PIGP: variants seen among roughly 807,000 people sequenced by gnomAD.
The protein encoded by PIGP is phosphatidylinositol N-acetylglucosaminyltransferase subunit P.
A neutral mutation model predicts 16.9 loss-of-function variants in PIGP; 12 were observed. The ratio of observed to expected loss-of-function variants is 0.71; its 90% CI spans 0.46 to 1.15. The LOEUF is 1.15. PIGP is among the 50% of genes most tolerant of loss of function. The pLI, the probability that PIGP is intolerant of heterozygous loss-of-function variation, is 0.00. For missense variants in PIGP, 159 were observed against 153.5 expected (o/e 1.04, Z -0.19); for synonymous variants, 57 against 54.7 (o/e 1.04, Z -0.18).
chr21:37,069,670 A>G (rs2069967498), intron 2 of PIGP, 46 bp from the exon 3 acceptor site: 1 of 1,217,166 alleles, frequency 8.2e-7, no homozygotes, highest in Non-Finnish European at 1.2e-6. Flanking sequence ...AGTCAGTAAG[A>G]CATACATCTA....
chr21:37,070,914 C>T (rs116142166), intron 2 of PIGP, among the ~76,000 whole-genome samples: 13 of 152,152 alleles, frequency 8.5e-5, no homozygotes, highest in African/African-American at 3.1e-4. Context: ...AGGCATGCGC[C>T]ACCATCCCGG....
chr21:37,072,291 A>G, intron 2 of PIGP, 143 bp downstream of exon 2: 1 of 1,605,692 alleles, frequency 6.2e-7, no homozygotes, highest in Non-Finnish European at 8.5e-7. Flanking sequence ...CTCAGCAAAC[A>G]CGAGATCCCT....
At chr21:37,069,722 T>G in intron 2 of PIGP, 98 bp from the exon 3 acceptor site, 1 of 770,608 alleles carries the variant, frequency 1.3e-6, no homozygotes, top group Non-Finnish European at 2.1e-6. Context: ...AGAAAAGCTC[T>G]TTTGAAGTGT....
chr21:37,072,656 TCCGTCCGCAACCCGCGCCC>T (rs1222003984), intron 1 of PIGP, 119 bp from the exon 2 acceptor site: 3 of 1,557,742 alleles, frequency 1.9e-6, no homozygotes, highest in Admixed American at 1.7e-5. Context: ...CTCCCGCGCC[TCCGTCCGCAACCCGCGCCC>T]CCGCCTCGAG....
In PIGP at chr21:37,072,537, T is replaced by C. The variant is rs1447650635; in HGVS notation, c.-22A>G. The C allele has an allele frequency of 2.5e-6, 4 of 1,614,042 alleles. No homozygotes were observed. Among genetic ancestry groups the C allele is most frequent in the Non-Finnish European group, 3.4e-6 (4 of 1,180,004 alleles). ...CCATTTTTCCTGGGGCTTTAGACAA[T>C]CTGTGGAAAAGGAACACAATCAGCG... On this transcript the variant is annotated splice_region_variant and 5_prime_UTR_variant, in exon 2 of 5. Coordinates refer to ENST00000360525, the MANE Select transcript of PIGP (RefSeq NM_153682.3).
chr21:37,072,316 A>G lies in PIGP; in HGVS notation c.82+118T>C, dbSNP rs1023036080. On this transcript the variant is annotated intron_variant, in intron 2 of 4. Transcript: ENST00000360525. ...ACGAGATCCCTTCAGATTTTCTTAAAAAGAGACATAGGGAGAAAGAATCAA... is the reference window on the plus strand; with the variant it reads ...ACGAGATCCCTTCAGATTTTCTTAAGAAGAGACATAGGGAGAAAGAATCAA... The G allele has an allele frequency of 3.1e-6, 5 of 1,598,978 alleles. No homozygotes were observed. The Admixed American group carries it at 6.8e-5, about 22-fold the overall frequency.
rs763288452 is a variant in PIGP, at chr21:37,065,654, T to A, written c.333A>T (p.Leu111Phe). The A allele has an allele frequency of 1.2e-5, 20 of 1,613,358 alleles. No homozygotes were observed. In the African/African-American group the frequency reaches 2.4e-4, roughly 19 times the overall value. Residue 111 changes from leucine to phenylalanine, a missense_variant, in exon 5 of 5, where the codon TTA becomes TTT. Leu to Phe is a conservative substitution (Grantham distance 22, BLOSUM62 0). Coordinates refer to ENST00000360525, the MANE Select transcript of PIGP (RefSeq NM_153682.3). ...KKYQEEAIPA[L>F]RDISISEVNQ... Reference sequence around the variant, plus strand: ...TTACTTCACTAATAGAAATATCTCTTAAGGCTGGAATGGCCTCCTCTTGGT... The same window carrying A: ...TTACTTCACTAATAGAAATATCTCTAAAGGCTGGAATGGCCTCCTCTTGGT...
intron 4 of PIGP, 92 bp from the exon 5 acceptor site, chr21:37,065,804 C>T (rs1478530775): frequency 1.0e-5 from 11 of 1,071,586 alleles, no homozygotes; most frequent in Non-Finnish European, 1.5e-5. Flanking sequence ...GTTTACTAGG[C>T]TGACGTTTGG....
At chr21:37,070,856 G>A (rs763613071) in intron 2 of PIGP, among the ~76,000 whole-genome samples, 8 of 152,310 alleles carry the variant, frequency 5.3e-5, no homozygotes, top group African/African-American at 1.4e-4. Context: ...TCCGCCTCCC[G>A]GGTTCAAGCG....
At chr21:37,072,823 G>A (rs2070207248) in intron 1 of PIGP, 177 bp downstream of exon 1, 2 of 515,816 alleles carry the variant, frequency 3.9e-6, no homozygotes, top group Admixed American at 3.7e-5. Flanking sequence ...GGGAGGGCAG[G>A]GAACAAGGCT....
chr21:37,067,272 A>G lies in PIGP; in HGVS notation c.264T>C (p.His88=), dbSNP rs751388878. The G allele has an allele frequency of 8.3e-6, 13 of 1,568,408 alleles. No homozygotes were observed. Among genetic ancestry groups the G allele is most frequent in the Non-Finnish European group, 1.1e-5 (13 of 1,138,574 alleles). Residue 88 remains histidine, a synonymous_variant, in exon 4 of 5, where the codon CAT becomes CAC. Transcript: ENST00000360525. ...TTTATATAAAGTTACCTGTGATTGT[A>G]TGGATGGAGTCGAGTGGAGAGGTAC... ...MMSTSPLDSI[H]TITDNYAKNQ...
chr21:37,068,497 C>T (rs529999752), intron 3 of PIGP, among the ~76,000 whole-genome samples: 188 of 150,976 alleles, frequency 1.2e-3, no homozygotes, highest in African/African-American at 4.2e-3. Context: ...ATTTTTTTTT[C>T]TGTTTCCTGC....
intron 3 of PIGP, among the ~76,000 whole-genome samples, chr21:37,068,017 TTTTC>T: frequency 6.6e-6 from 1 of 151,088 alleles, no homozygotes; most frequent in Non-Finnish European, 1.5e-5. Context: ...AGTGTTTTTT[TTTTC>T]TTTTTGAGAA....
rs181476416 is a variant in PIGP, at chr21:37,070,484, C to T, written c.83-860G>A. 5.9e-5 allele frequency among the ~76,000 whole-genome samples: 9 copies of T among 152,308 alleles called. No individual in the cohort carries two copies. The East Asian group carries it at 1.2e-3, about 20-fold the overall frequency. The stretch of plus-strand genomic sequence containing the variant: ...TTCACTACATTGTTACAAGTGCTCA[C>T]GAATGAGTAATAAAAGATGACATAG... On this transcript the variant is annotated intron_variant, in intron 2 of 4. Transcript: ENST00000360525.
chr21:37,066,996 G>A (rs1225102622), intron 4 of PIGP, among the ~76,000 whole-genome samples: 1 of 132,132 alleles, frequency 7.6e-6, no homozygotes, highest in Non-Finnish European at 1.7e-5. Flanking sequence ...GTGTGTGTGT[G>A]TGTGTGTGTG....
chr21:37,067,853 C>G (rs552726380), intron 3 of PIGP, among the ~76,000 whole-genome samples: 3 of 151,982 alleles, frequency 2.0e-5, no homozygotes, highest in Admixed American at 2.0e-4. Context: ...TATATATTTT[C>G]TTGTACAACT....
chr21:37,066,540 AG>A (rs1256119689), intron 4 of PIGP, among the ~76,000 whole-genome samples: 1 of 152,238 alleles, frequency 6.6e-6, no homozygotes, highest in East Asian at 1.9e-4. Context: ...CAAGCTCAGG[AG>A]TCTGATTTAT....
chr21:37,066,704 A>G (rs965210476), intron 4 of PIGP, among the ~76,000 whole-genome samples: 5 of 152,204 alleles, frequency 3.3e-5, no homozygotes, highest in African/African-American at 1.2e-4. Flanking sequence ...GTCTGCATGT[A>G]CTATTTACTA....
chr21:37,066,141 CAGTAA>C (rs1356966008), intron 4 of PIGP, among the ~76,000 whole-genome samples: 1 of 151,604 alleles, frequency 6.6e-6, no homozygotes, highest in Admixed American at 6.6e-5. Context: ...ATAAAAACAT[CAGTAA>C]AGTACTTTTT....
Sources: allele counts gnomAD v4.1 joint callset (sites outside exome capture counted in the v4.1 genomes callset), GRCh38; gene constraint gnomAD v4.1.1; transcripts MANE v1.5; gene names NCBI Gene and HGNC (gene_info 2026-07-23, HGNC 2026-07-21).